CSMD2: variants seen among roughly 807,000 people sequenced by gnomAD.
CSMD2 encodes the protein CUB and Sushi multiple domains 2.
In CSMD2, 130 loss-of-function variants were observed where a neutral mutation model predicts 398.5. That is an observed-to-expected ratio of 0.33 (90% CI 0.28 to 0.38). The LOEUF (loss-of-function observed/expected upper bound fraction) is 0.38, where lower values mean the gene tolerates loss of function less well. Among genes scored for constraint, CSMD2 ranks in the 10% least tolerant of loss-of-function variants. The pLI, the probability that CSMD2 is intolerant of heterozygous loss-of-function variation, is 1.00. For missense variants in CSMD2, 3,829 were observed against 4,764.9 expected, an observed-to-expected ratio of 0.80 and a Z score of 5.78; for synonymous variants, 1,828 against 1,908.5, an observed-to-expected ratio of 0.96 and a Z score of 1.10.
At chr1:33,932,198 C>A (rs1023638536) in intron 4 of CSMD2, among the ~76,000 whole-genome samples, 1 of 152,046 alleles carries the variant, frequency 6.6e-6, no homozygotes, top group Non-Finnish European at 1.5e-5. Flanking sequence ...TTGAAACAAG[C>A]TGAGGAGAAC....
intron 44 of CSMD2, chr1:33,600,401 T>C (rs1269374745): frequency 3.5e-6 from 2 of 579,128 alleles, no homozygotes; most frequent in Non-Finnish European, 6.1e-6. Context: ...AATAAAGGCA[T>C]ACCTACTCTG....
chr1:33,701,625 C>A (rs1315387224), intron 22 of CSMD2, among the ~76,000 whole-genome samples: 2 of 152,196 alleles, frequency 1.3e-5, no homozygotes, highest in African/African-American at 4.8e-5. Flanking sequence ...CTAAAAGAAG[C>A]CATCCTTCAA....
intron 1 of CSMD2, among the ~76,000 whole-genome samples, chr1:34,105,603 C>T (rs1660454947): frequency 1.3e-5 from 2 of 152,134 alleles, no homozygotes; most frequent in Admixed American, 6.5e-5. Context: ...CTCGTGACAC[C>T]ACCTCAAATG....
intron 1 of CSMD2, among the ~76,000 whole-genome samples, chr1:34,136,576 T>C (rs1382081349): frequency 6.6e-6 from 1 of 152,210 alleles, no homozygotes; most frequent in Non-Finnish European, 1.5e-5. Flanking sequence ...CGGCACTTGT[T>C]AGAGAAACTT....
chr1:33,887,799 T>C (rs911841413), intron 5 of CSMD2, among the ~76,000 whole-genome samples: 7 of 151,930 alleles, frequency 4.6e-5, no homozygotes, highest in African/African-American at 1.5e-4. Flanking sequence ...AAAGCATCCA[T>C]GTGGGAAAGA....
chr1:33,567,016 T>C (rs1659111472), intron 53 of CSMD2, among the ~76,000 whole-genome samples: 1 of 152,038 alleles, frequency 6.6e-6, no homozygotes, highest in Non-Finnish European at 1.5e-5. Context: ...GACCAACTAT[T>C]AGGTCACAAA....
intron 27 of CSMD2, 43 bp downstream of exon 27, chr1:33,657,903 T>C (rs1357409172): frequency 4.5e-6 from 7 of 1,567,666 alleles, no homozygotes; most frequent in Non-Finnish European, 5.2e-6. Flanking sequence ...AGCACACAAC[T>C]GTGAGCCCCA....
Position 33,616,426 on chromosome 1 carries a change from T to C in CSMD2, c.6016+480A>G, listed in dbSNP as rs192570496. Reference sequence around the variant, plus strand: ...CTAATTTTTGTATTTTTAGTAGAGATGGGGTTTCACCATGTTGGCCAGGCT... The same window carrying C: ...CTAATTTTTGTATTTTTAGTAGAGACGGGGTTTCACCATGTTGGCCAGGCT... On this transcript the variant is annotated intron_variant, in intron 39 of 70. Coordinates refer to ENST00000373381, the MANE Select transcript of CSMD2 (RefSeq NM_001281956.2). 2.4e-4 allele frequency among the ~76,000 whole-genome samples: 36 copies of C among 152,272 alleles called. 1 individual carries two copies. The highest frequency in any genetic ancestry group is 1.5e-3 in the Admixed American group (23 of 15,288).
At chr1:33,789,798 G>A (rs1002069399) in intron 11 of CSMD2, among the ~76,000 whole-genome samples, 1 of 152,202 alleles carries the variant, frequency 6.6e-6, no homozygotes, top group Non-Finnish European at 1.5e-5. Flanking sequence ...GCTGAGTAAG[G>A]ATTGTGGCCA....
chr1:34,082,940 G>T (rs907218379), intron 2 of CSMD2, among the ~76,000 whole-genome samples: 31 of 151,886 alleles, frequency 2.0e-4, no homozygotes, highest in African/African-American at 1.9e-4. Flanking sequence ...GCGGAAGGCC[G>T]CAGGGTCCTC....
intron 2 of CSMD2, among the ~76,000 whole-genome samples, chr1:34,076,928 A>AAAAAATATATATAT (rs1232288848): frequency 3.7e-5 from 2 of 53,596 alleles, no homozygotes; most frequent in African/African-American, 8.6e-5. Context: ...AAAAAAAAAA[A>AAAAAATATATATAT]ATATATATAT....
intron 49 of CSMD2, among the ~76,000 whole-genome samples, chr1:33,576,803 CG>C (rs1232877186): frequency 2.7e-5 from 4 of 150,540 alleles, no homozygotes; most frequent in Non-Finnish European, 3.0e-5. Context: ...CATTATCTAC[CG>C]TTTTTTTTTT....
chr1:33,683,051 C>A (rs1221341859), intron 25 of CSMD2, among the ~76,000 whole-genome samples: 1 of 152,152 alleles, frequency 6.6e-6, no homozygotes, highest in African/African-American at 2.4e-5. Flanking sequence ...ACTTTGTCTT[C>A]CATGTTTGTC....
chr1:33,814,654 C>T (rs1228026648), intron 9 of CSMD2, among the ~76,000 whole-genome samples: 1 of 152,176 alleles, frequency 6.6e-6, no homozygotes, highest in Non-Finnish European at 1.5e-5. Context: ...GAGGGCATTG[C>T]CCTCTTATGA....
intron 2 of CSMD2, among the ~76,000 whole-genome samples, chr1:34,062,617 G>T (rs1654642232): frequency 6.6e-6 from 1 of 152,220 alleles, no homozygotes; most frequent in South Asian, 2.1e-4. Context: ...CATCCCGAGG[G>T]TGGGACAGCC....
At chr1:33,864,253 T>C (rs1246623879) in intron 5 of CSMD2, 1 of 1,613,328 alleles carries the variant, frequency 6.2e-7, no homozygotes, top group Non-Finnish European at 8.5e-7. Flanking sequence ...CACTTTTTGC[T>C]GAATTACAGA....
chr1:34,049,866 G>A (rs1475231879), intron 2 of CSMD2, among the ~76,000 whole-genome samples: 5 of 152,114 alleles, frequency 3.3e-5, no homozygotes, highest in South Asian at 2.1e-4. Flanking sequence ...TGGGATCTTC[G>A]GGAGGTAGTT....
At chr1:33,811,465 C>A (rs779462864) in intron 9 of CSMD2, among the ~76,000 whole-genome samples, 1 of 152,126 alleles carries the variant, frequency 6.6e-6, no homozygotes, top group Non-Finnish European at 1.5e-5. Flanking sequence ...CTCAGAATGT[C>A]TATGCCCAAG....
At chr1:34,077,736 CAAAAAAAAA>C (rs59532141) in intron 2 of CSMD2, among the ~76,000 whole-genome samples, 12 of 38,350 alleles carry the variant, frequency 3.1e-4, no homozygotes, top group Non-Finnish European at 4.9e-4. Flanking sequence ...GACTCCATCT[CAAAAAAAAA>C]AAAAAAAAAA....
Sources: gnomAD v4.1 joint callset for allele counts (sites outside exome capture counted in the v4.1 genomes callset) on GRCh38, gnomAD v4.1.1 for gene constraint, MANE v1.5 for transcripts, NCBI Gene and HGNC (gene_info 2026-07-23, HGNC 2026-07-21) for gene names.